Variants in GSE1 observed in about 807,000 individuals in gnomAD.
The protein encoded by GSE1 is genetic suppressor element 1.
GSE1 carries 32 observed loss-of-function variants against 112.6 expected under a neutral mutation model. The observed-to-expected ratio is 0.28, with a 90% confidence interval of 0.21 to 0.38. The LOEUF (loss-of-function observed/expected upper bound fraction) is 0.38. GSE1 is among the 10% of genes least tolerant of loss of function. The pLI, the probability that GSE1 is intolerant of heterozygous loss-of-function variation, is 1.00. For missense variants in GSE1, 2,348 were observed against 1,699.2 expected, an observed-to-expected ratio of 1.38 and a Z score of -6.71; for synonymous variants, 1,115 against 735.6, an observed-to-expected ratio of 1.52 and a Z score of -8.35.
At position 85,663,455 on chromosome 16, in the gene GSE1, C is replaced by A. The variant is rs1367171102; in HGVS notation, c.2485C>A (p.Pro829Thr). 1 of 1,613,796 alleles carries A rather than the reference C, an allele frequency of 6.2e-7. No homozygotes were observed. The highest frequency in any genetic ancestry group is 2.2e-5 in the East Asian group (1 of 44,904). ...RRMLRERSPS[P>T]PTIQSKRQTP... ...GATGCTGCGAGAGAGAAGCCCGTCG[C>A]CCCCAACAATTCAGAGCAAGCGGCA... Residue 829 changes from proline (P) to threonine (T), a missense_variant, in exon 11 of 16, where the codon CCC becomes ACC. Physicochemically the swap from Pro to Thr is conservative, Grantham distance 38 (BLOSUM62 -1). Transcript: ENST00000253458.
chr16:85,585,187 G>A lies in GSE1; in HGVS notation c.37+28824G>A, dbSNP rs924649471. On this transcript the variant is annotated intron_variant, in intron 1 of 2. Transcript: ENST00000635906. The stretch of plus-strand genomic sequence containing the variant: ...CCACAGAGGATGGGACAATAAAAAC[G>A]TGCTGGCCTGCAGGAACCCCTGCTG... 7.2e-5 allele frequency among the ~76,000 whole-genome samples: 11 copies of A among 152,198 alleles called. No individual in the cohort carries two copies. In the East Asian group the frequency reaches 1.7e-3, roughly 24 times the overall value.
chr16:85,360,540 AT>A (rs1294511732), intron 2 of GSE1, among the ~76,000 whole-genome samples: 4 of 152,114 alleles, frequency 2.6e-5, no homozygotes, highest in Admixed American at 6.5e-5. Context: ...ACAGTGACTA[AT>A]GGTTTATTAC....
At chr16:85,378,566 AC>A (rs35574403) in intron 2 of GSE1, among the ~76,000 whole-genome samples, 9,036 of 152,276 alleles carry the variant, frequency 0.059, 346 homozygotes, top group Non-Finnish European at 0.084. Flanking sequence ...TGCAGCGCTC[AC>A]CAGACAGGGC....
chr16:85,176,165 G>GT (rs1479090391), intron 1 of GSE1, among the ~76,000 whole-genome samples: 2 of 152,130 alleles, frequency 1.3e-5, no homozygotes, highest in Admixed American at 6.5e-5. Context: ...ATTTTTTGTT[G>GT]TTTTCTAGAG....
intron 1 of GSE1, among the ~76,000 whole-genome samples, chr16:85,194,129 C>T (rs4783145): frequency 0.17 from 25,696 of 152,040 alleles, 2,245 homozygotes; most frequent in Non-Finnish European, 0.19. Context: ...TTCACTCTGA[C>T]TCCACGCCCC....
chr16:85,599,392 C>A (rs560065521), intron 1 of GSE1, among the ~76,000 whole-genome samples: 7 of 152,236 alleles, frequency 4.6e-5, no homozygotes, highest in African/African-American at 1.7e-4. Context: ...CAGGGGCTAC[C>A]TGTGGACAAT....
intron 2 of GSE1, among the ~76,000 whole-genome samples, chr16:85,641,723 C>T (rs1020276779): frequency 1.3e-5 from 2 of 152,246 alleles, no homozygotes; most frequent in Non-Finnish European, 1.5e-5. Flanking sequence ...GGCTGATTGG[C>T]TCTTTCCTCT....
chr16:85,662,751 G>A, intron 9 of GSE1: 1 of 532,412 alleles, frequency 1.9e-6, no homozygotes, highest in East Asian at 3.2e-5. Flanking sequence ...GGACCACCCA[G>A]CTACTGGGAG....
At chr16:85,512,263 G>T (rs529269636) in intron 2 of GSE1, among the ~76,000 whole-genome samples, 8 of 152,316 alleles carry the variant, frequency 5.3e-5, no homozygotes. Flanking sequence ...CACCGCAGCT[G>T]TGACCCAGAG....
rs959679046 is a variant in GSE1, at chr16:85,227,703, G to A, written c.2283+55896G>A. On this transcript the variant is annotated intron_variant, in intron 1 of 2. Coordinates refer to the GSE1 transcript ENST00000637419. ...CAGGCAGAGAGGAAGTGGGAGGGGA[G>A]ATTCATTTCAGGGCAGCCGCAGGCT... 5.3e-5 allele frequency among the ~76,000 whole-genome samples: 8 copies of A among 152,316 alleles called. No individual in the cohort carries two copies. The East Asian group carries it at 1.5e-3, about 29-fold the overall frequency.
At position 85,641,000 on chromosome 16, in the gene GSE1, C is replaced by T. The variant is rs1051790377; in HGVS notation, c.226+6868C>T. ...CTATCCCGACCCCTTCTCCGCATAG[C>T]ACAGTGGGGAGCCCTGGGCAGGGTG... On this transcript the variant is annotated intron_variant, in intron 2 of 15. Transcript: ENST00000253458. Among the ~76,000 whole-genome samples, 6 of 152,252 alleles carry T rather than the reference C, an allele frequency of 3.9e-5. No homozygotes were observed. The South Asian group carries it at 6.2e-4, about 16-fold the overall frequency.
rs1367316600 is a variant in GSE1, at chr16:85,408,898, CTGTTA to C, written c.2464+51256_2464+51260del. Among the ~76,000 whole-genome samples the C allele has an allele frequency of 4.3e-4, 6 of 14,088 alleles. 2 individuals carry two copies. The highest frequency in any genetic ancestry group is 6.7e-4 in the African/African-American group (4 of 5,930). 9.2% of individuals were successfully genotyped at this position (14,088 alleles called of 152,430 possible). A position where few individuals can be genotyped will look rare whatever the true frequency, so the allele number is the denominator to read the frequency against. On this transcript the variant is annotated intron_variant, in intron 2 of 2. Coordinates refer to the GSE1 transcript ENST00000637419. ...ACTCAGGCCCCCTGGATAATCCTCA[CTGTTA>C]CACTCAGGCCCCCCTGGATAATCCT...
chr16:85,646,895 G>A (rs187678269), intron 2 of GSE1, among the ~76,000 whole-genome samples: 6,671 of 151,902 alleles, frequency 0.044, 522 homozygotes, highest in African/African-American at 0.15. Context: ...CACAACAAGG[G>A]GGGGGGTGGG....
At position 85,674,430 on chromosome 16, in the gene GSE1, C is replaced by T. The variant is rs2053569925; in HGVS notation, c.*1891C>T. 6.7e-6 allele frequency: 1 copy of T among 150,274 alleles called. No individual in the cohort carries two copies. Among genetic ancestry groups the T allele is most frequent in the African/African-American group, 2.5e-5 (1 of 39,950 alleles). 9.3% of individuals were successfully genotyped at this position (150,274 alleles called of 1,614,324 possible). On this transcript the variant is annotated 3_prime_UTR_variant, in exon 16 of 16. Coordinates refer to ENST00000253458, the MANE Select transcript of GSE1 (RefSeq NM_014615.5). ...TCGAGGGGCTGTGCTGCAGGCCTCC[C>T]CTCGAAAGACACTGGGAGGTCAGCA...
intron 1 of GSE1, among the ~76,000 whole-genome samples, chr16:85,588,494 G>C (rs949787964): frequency 6.6e-6 from 1 of 152,166 alleles, no homozygotes; most frequent in African/African-American, 2.4e-5. Flanking sequence ...TCTGTAATTC[G>C]GATGACATAC....
intron 2 of GSE1, among the ~76,000 whole-genome samples, chr16:85,644,203 G>A (rs563270462): frequency 6.6e-6 from 1 of 152,248 alleles, no homozygotes; most frequent in Admixed American, 6.5e-5. Flanking sequence ...GCCGGGCCTG[G>A]TGGCACGTGC....
chr16:85,184,858 T>C (rs892626477), intron 1 of GSE1, among the ~76,000 whole-genome samples: 3 of 152,370 alleles, frequency 2.0e-5, no homozygotes, highest in South Asian at 2.1e-4. Flanking sequence ...TGTACGCTCT[T>C]GAAGAAGGGA....
chr16:85,556,763 C>A (rs1352816794), intron 1 of GSE1, among the ~76,000 whole-genome samples: 4 of 111,472 alleles, frequency 3.6e-5, no homozygotes, highest in Admixed American at 1.6e-4. Context: ...CCCCCCCCCC[C>A]AGTCCTGGGG....
At position 85,504,899 on chromosome 16, in the gene GSE1, TGAATAATTTATAG is replaced by T. The variant is rs1201215333; in HGVS notation, c.2465-129011_2465-128999del. On this transcript the variant is annotated intron_variant, in intron 2 of 2. Transcript: ENST00000637419. ...GTCCTTGGCCTTGCTTGTTGGTGCATGAATAATTTATAGGAAGATGAAGGTCTGAAAGGAAGTT... is the reference window on the plus strand; with the variant it reads ...GTCCTTGGCCTTGCTTGTTGGTGCATGAAGATGAAGGTCTGAAAGGAAGTT... 2.6e-5 allele frequency among the ~76,000 whole-genome samples: 4 copies of T among 152,236 alleles called. No individual in the cohort carries two copies. In the South Asian group the frequency reaches 6.2e-4, roughly 24 times the overall value.
Sources: gnomAD v4.1 joint callset for allele counts (sites outside exome capture counted in the v4.1 genomes callset) on GRCh38, gnomAD v4.1.1 for gene constraint, MANE v1.5 for transcripts, NCBI Gene and HGNC (gene_info 2026-07-23, HGNC 2026-07-21) for gene names.